The following TMEM201 variants were observed in gnomAD, a reference collection of about 807,000 sequenced individuals.
The protein encoded by TMEM201 is RP13-15M17.2.
TMEM201 carries 26 observed loss-of-function variants against 63.4 expected under a neutral mutation model. That is an observed-to-expected ratio of 0.41 (90% CI 0.30 to 0.57). The LOEUF (loss-of-function observed/expected upper bound fraction) is 0.57, where lower values mean the gene tolerates loss of function less well. Among genes scored for constraint, TMEM201 ranks in the 20% least tolerant of loss-of-function variants. TMEM201 has a pLI of 0.29. For synonymous variants in TMEM201, 417 were observed against 421.6 expected, an observed-to-expected ratio of 0.99 and a Z score of 0.14; for missense variants, 794 against 917.7, an observed-to-expected ratio of 0.87 and a Z score of 1.74.
At chr1:9,599,727 A>G (rs1359791511) in intron 4 of TMEM201, among the ~76,000 whole-genome samples, 2 of 152,166 alleles carry the variant, frequency 1.3e-5, no homozygotes, top group African/African-American at 4.8e-5. Context: ...GGTTCACGCA[A>G]TTCTCCTGCC....
At position 9,598,417 on chromosome 1, in the gene TMEM201, C is replaced by G; in HGVS notation, c.430-32C>G. On this transcript the variant is annotated intron_variant, in intron 3 of 10. Coordinates refer to ENST00000340381, the MANE Select transcript of TMEM201 (RefSeq NM_001130924.3). ...GATGGAGGCAGCTCATCCACCCCTGCAGATGCCGAGCCTGTTCCCCCAACC... is the reference window on the plus strand; with the variant it reads ...GATGGAGGCAGCTCATCCACCCCTGGAGATGCCGAGCCTGTTCCCCCAACC... 4 of 1,595,606 alleles carry G rather than the reference C, an allele frequency of 2.5e-6. No individual in the cohort carries two copies. The South Asian group carries it at 4.4e-5, about 18-fold the overall frequency.
intron 9 of TMEM201, among the ~76,000 whole-genome samples, chr1:9,611,494 G>A (rs138725820): frequency 0.012 from 1,789 of 152,292 alleles, 34 homozygotes; most frequent in African/African-American, 0.04. Context: ...CACTGCGCCC[G>A]GCCTCGAATG....
Position 9,596,993 on chromosome 1 carries a change from G to T in TMEM201, c.369G>T (p.Arg123Ser), listed in dbSNP as rs768026207. The stretch of plus-strand genomic sequence containing the variant: ...GCAGCCAAGTCCTGCTGTGCAAGAG[G>T]TGCAACCACCACCAGACCACCAAGA... ...WVSSQVLLCK[R>S]CNHHQTTKIK... Residue 123 changes from arginine (R) to serine (S), a missense_variant, in exon 3 of 11, where the codon AGG becomes AGT. Arg to Ser is a moderately radical substitution (Grantham distance 110, BLOSUM62 -1). Coordinates refer to ENST00000340381, the MANE Select transcript of TMEM201 (RefSeq NM_001130924.3). 4 of 1,612,754 alleles carry T rather than the reference G, an allele frequency of 2.5e-6. No homozygotes were observed. Among genetic ancestry groups the T allele is most frequent in the Non-Finnish European group, 3.4e-6 (4 of 1,179,526 alleles).
At chr1:9,602,586 T>C (rs773892592) in intron 6 of TMEM201, 157 of 1,277,834 alleles carry the variant, frequency 1.2e-4, no homozygotes, top group Non-Finnish European at 1.5e-4. Flanking sequence ...CCACACAGGC[T>C]CTGGCCCATG....
chr1:9,599,827 T>G (rs892915956), intron 4 of TMEM201, among the ~76,000 whole-genome samples: 3 of 148,196 alleles, frequency 2.0e-5, no homozygotes, highest in Admixed American at 1.3e-4. Context: ...CTCAATCTCC[T>G]GAGCTCGTGA....
Position 9,604,781 on chromosome 1 carries a change from G to A in TMEM201, c.1160+2509G>A. On this transcript the variant is annotated intron_variant, in intron 6 of 10. Transcript: ENST00000340381. The surrounding 1 kb of genome is among the most constrained non-coding windows in gnomAD (Gnocchi z 4.1). ...TGCCACATTCAGCCCTGCCCAGGAAGGAACACATGACCCTTCTGTCTGTGA... is the reference window on the plus strand; with the variant it reads ...TGCCACATTCAGCCCTGCCCAGGAAAGAACACATGACCCTTCTGTCTGTGA... The A allele has an allele frequency of 1.0e-6, 1 of 986,004 alleles. No individual in the cohort carries two copies. Among genetic ancestry groups the A allele is most frequent in the South Asian group, 4.7e-5 (1 of 21,292 alleles). 61.1% of individuals were successfully genotyped at this position (986,004 alleles called of 1,614,324 possible).
In TMEM201 at chr1:9,608,320, A is replaced by C. The variant is rs1557561557; in HGVS notation, c.1393+531A>C. On this transcript the variant is annotated intron_variant, in intron 7 of 10. Coordinates refer to ENST00000340381, the MANE Select transcript of TMEM201 (RefSeq NM_001130924.3). The surrounding 1 kb of genome is among the most constrained non-coding windows in gnomAD (Gnocchi z 4.3). ...GCCCCTTAGTCCCAGCTCTGGTGAC[A>C]TGACCTTGGGTAAATGTGTGCACCG... 6.6e-6 allele frequency among the ~76,000 whole-genome samples: 1 copy of C among 152,194 alleles called. No individual in the cohort carries two copies. Among genetic ancestry groups the C allele is most frequent in the Non-Finnish European group, 1.5e-5 (1 of 68,030 alleles).
intron 4 of TMEM201, among the ~76,000 whole-genome samples, chr1:9,599,328 A>G (rs955975497): frequency 5.3e-5 from 8 of 151,372 alleles, no homozygotes; most frequent in African/African-American, 1.7e-4. Context: ...GCTCACTGCA[A>G]TCTCTTCCTC....
Position 9,611,020 on chromosome 1 carries a change from C to T in TMEM201, c.1765+215C>T, listed in dbSNP as rs1354125758. ...TTCAGTTTCTCCTTTTGCAGTTGAC[C>T]TTCAGGGTCCTCTGTTTCTTGGAAC... is the stretch of plus-strand genomic sequence containing the variant. On this transcript the variant is annotated intron_variant, in intron 9 of 10. Coordinates refer to ENST00000340381, the MANE Select transcript of TMEM201 (RefSeq NM_001130924.3). 5.2e-6 allele frequency: 8 copies of T among 1,530,562 alleles called. No homozygotes were observed. In the East Asian group the frequency reaches 7.4e-5, roughly 14 times the overall value. The allele number at this position is 1,530,562 out of a possible 1,614,324, so 94.8% of individuals were successfully genotyped here.
In TMEM201 at chr1:9,604,409, A is replaced by G. The variant is rs1644205585; in HGVS notation, c.1160+2137A>G. The G allele has an allele frequency of 2.0e-6, 2 of 985,242 alleles. No individual in the cohort carries two copies. The highest frequency in any genetic ancestry group is 9.4e-5 in the South Asian group (2 of 21,294). The allele number at this position is 985,242 out of a possible 1,614,324, so 61.0% of individuals were successfully genotyped here. A position where few individuals can be genotyped will look rare whatever the true frequency, so the allele number is the denominator to read the frequency against. ...CGTAGAGTTTTGTGTGACTTTTTAA[A>G]TTATTCATGTGTCCCTTAAAAGTTT... On this transcript the variant is annotated intron_variant, in intron 6 of 10. Transcript: ENST00000340381. This position sits in a 1 kb window ranked among gnomAD's most constrained non-coding sequence, Gnocchi z 4.1.
chr1:9,610,707 G>T lies in TMEM201; in HGVS notation c.1667G>T (p.Ser556Ile), dbSNP rs1443510794. The T allele has an allele frequency of 6.4e-7, 1 of 1,550,432 alleles. No individual in the cohort carries two copies. Among genetic ancestry groups the T allele is most frequent in the African/African-American group, 1.4e-5 (1 of 73,040 alleles). Reference protein sequence around the residue: ...PPGEAPTTPSSSDEHSPHNGS... With the variant: ...PPGEAPTTPSISDEHSPHNGS... ...GGAGAGGCCCCCACCACGCCCAGCA[G>T]CTCCGATGAGCACTCGCCTCACAAC... The change falls in exon 9 of 11, where the codon AGC (serine) becomes ATC (isoleucine). Residue 556 changes from serine to isoleucine, a missense_variant. Transcript: ENST00000340381. The surrounding 1 kb of genome is among the most constrained non-coding windows in gnomAD (Gnocchi z 4.9).
chr1:9,613,044 C>T lies in TMEM201; in HGVS notation c.1962C>T (p.Ala654=). 2.6e-6 allele frequency: 4 copies of T among 1,551,464 alleles called. No homozygotes were observed. The highest frequency in any genetic ancestry group is 2.4e-5 in the South Asian group (2 of 84,066). The change falls in exon 11 of 11, where the codon GCC becomes GCT. Residue 654 remains alanine, a synonymous_variant. Coordinates refer to ENST00000340381, the MANE Select transcript of TMEM201 (RefSeq NM_001130924.3). The part of the protein sequence containing the change: ...GLLAVSLAAN[A]LFTSVFLYQS... ...TGGCCGTGAGCTTGGCCGCCAACGC[C>T]CTGTTCACCTCGGTGTTTCTGTACC...
At chr1:9,602,475 C>T (rs2100496161) in intron 6 of TMEM201, 2 of 1,433,322 alleles carry the variant, frequency 1.4e-6, no homozygotes, top group South Asian at 1.5e-5. Flanking sequence ...CTTTCGGGCA[C>T]CACCAGCCAT....
rs774800845 is a variant in TMEM201, at chr1:9,601,347, G to A, written c.849G>A (p.Ala283=). 1.5e-4 allele frequency: 234 copies of A among 1,607,964 alleles called. 4 individuals are homozygous for A. The East Asian group carries it at 3.7e-3, about 25-fold the overall frequency. The change falls in exon 5 of 11, where the codon GCG becomes GCA. Residue 283 remains alanine (A), a synonymous_variant. Coordinates refer to ENST00000340381, the MANE Select transcript of TMEM201 (RefSeq NM_001130924.3). Reference sequence around the variant, plus strand: ...TGGGCCTACTCCCCGAGCACATGGCGGAGAAGCTGTGTGAGGCCTGGGCCT... The same window carrying A: ...TGGGCCTACTCCCCGAGCACATGGCAGAGAAGCTGTGTGAGGCCTGGGCCT... The part of the protein sequence containing the change: ...QLLGLLPEHM[A]EKLCEAWAFG...
At chr1:9,591,856 C>T (rs774318504) in intron 1 of TMEM201, among the ~76,000 whole-genome samples, 47 of 152,268 alleles carry the variant, frequency 3.1e-4, no homozygotes, top group Admixed American at 1.8e-3. Flanking sequence ...TCCCCTCCCT[C>T]TGCCGTCTGC....
At position 9,589,026 on chromosome 1, in the gene TMEM201, C is replaced by G. The variant is rs1265823798; in HGVS notation, c.96C>G (p.Leu32=). The G allele has an allele frequency of 5.2e-6, 6 of 1,153,242 alleles. No individual in the cohort carries two copies. Among genetic ancestry groups the G allele is most frequent in the African/African-American group, 1.7e-5 (1 of 59,492 alleles). The allele number at this position is 1,153,242 out of a possible 1,614,324, so 71.4% of individuals were successfully genotyped here. The change falls in exon 1 of 11, where the codon CTC becomes CTG. Residue 32 remains leucine, a synonymous_variant. Coordinates refer to ENST00000340381, the MANE Select transcript of TMEM201 (RefSeq NM_001130924.3). ...CGTGCGCCGCGGCCGGCGTGTTGCT[C>G]TACCGGATCGCGCGGAGGTGAGTGC... ...VTACAAAGVL[L]YRIARRMKPT... is the part of the protein sequence containing the mutation.
At chr1:9,599,705 C>A (rs545294301) in intron 4 of TMEM201, among the ~76,000 whole-genome samples, 2 of 152,240 alleles carry the variant, frequency 1.3e-5, no homozygotes, top group South Asian at 4.1e-4. Context: ...TCACTGCAAG[C>A]TCCGCCTCCC....
chr1:9,606,185 G>C (rs1412990572), intron 6 of TMEM201: 2 of 152,264 alleles, frequency 1.3e-5, no homozygotes, highest in East Asian at 3.9e-4. Flanking sequence ...TCTGTGTAGA[G>C]GTGGAGCCTT....
intron 1 of TMEM201, 150 bp from the exon 2 acceptor site, chr1:9,595,739 TC>T: frequency 8.8e-7 from 1 of 1,141,280 alleles, no homozygotes; most frequent in Non-Finnish European, 1.2e-6. Flanking sequence ...CTCCTGCTGT[TC>T]TGGGGCCAGC....
Sources: gnomAD v4.1 joint callset for allele counts (sites outside exome capture counted in the v4.1 genomes callset) on GRCh38, gnomAD v4.1.1 for gene constraint, Gnocchi (gnomAD v3.1) non-coding constraint, MANE v1.5 for transcripts, NCBI Gene and HGNC (gene_info 2026-07-23, HGNC 2026-07-21) for gene names.